NOTCH2: variants seen among roughly 807,000 people sequenced by gnomAD.
NOTCH2 encodes notch receptor 2, also known as neurogenic locus notch homolog protein 2.
Under a neutral mutation model 235.8 loss-of-function variants are expected in NOTCH2, and 29 were observed. That is an observed-to-expected ratio of 0.12 (90% CI 0.09 to 0.17). NOTCH2 has a LOEUF of 0.17. NOTCH2 is among the 10% of genes least tolerant of loss of function. The pLI is 1.00. For synonymous variants in NOTCH2, 1,086 were observed against 1,141.5 expected, an observed-to-expected ratio of 0.95 and a Z score of 0.98; for missense variants, 2,285 against 3,150.2, an observed-to-expected ratio of 0.73 and a Z score of 6.57.
chr1:120,007,180 C>T (rs587681884), intron 2 of NOTCH2, among the ~76,000 whole-genome samples: 716 of 151,118 alleles, frequency 4.7e-3, no homozygotes, highest in African/African-American at 0.016. Context: ...AGCACTGAAA[C>T]CAAAGATGGC....
At chr1:119,952,354 G>A (rs2101120477) in intron 14 of NOTCH2, among the ~76,000 whole-genome samples, 1 of 152,064 alleles carries the variant, frequency 6.6e-6, no homozygotes, top group East Asian at 1.9e-4. Flanking sequence ...CATTTATTGT[G>A]CACTTTACTT....
At chr1:120,014,073 T>C (rs1553207462) in intron 2 of NOTCH2, among the ~76,000 whole-genome samples, 1 of 150,700 alleles carries the variant, frequency 6.6e-6, no homozygotes, top group East Asian at 1.9e-4. Flanking sequence ...TTATTAATTA[T>C]TTTCATAACT....
In NOTCH2 at chr1:119,997,004, G is replaced by A. The variant is rs1553204281; in HGVS notation, c.744C>T (p.Cys248=). 9 of 1,613,692 alleles carry A rather than the reference G, an allele frequency of 5.6e-6. No homozygotes were observed. The highest frequency in any genetic ancestry group is 7.6e-6 in the Non-Finnish European group (9 of 1,179,778). The change falls in exon 4 of 34, where the codon TGC becomes TGT. Residue 248 remains cysteine, a synonymous_variant. Coordinates refer to ENST00000256646, the MANE Select transcript of NOTCH2 (RefSeq NM_024408.4). ...QTGDFTFECN[C]LPGFEGSTCE... ...CACTAGGGAGCTCCTTACCTGGAAG[G>A]CAGTTGCACTCAAAAGTGAAGTCAC...
chr1:119,977,596 G>A (rs1386033488), intron 5 of NOTCH2, among the ~76,000 whole-genome samples: 1 of 152,094 alleles, frequency 6.6e-6, no homozygotes, highest in African/African-American at 2.4e-5. Flanking sequence ...ATTCCCCAAC[G>A]TCACTACTAA....
At chr1:120,005,290 T>G (rs1460876040) in intron 3 of NOTCH2, 39 bp downstream of exon 3, 8 of 1,614,022 alleles carry the variant, frequency 5.0e-6, no homozygotes, top group Non-Finnish European at 6.8e-6. Context: ...AGGTATCTGC[T>G]GAAGGTAGGA....
intron 1 of NOTCH2, among the ~76,000 whole-genome samples, chr1:120,066,477 C>T (rs1269240899): frequency 6.8e-6 from 1 of 147,722 alleles, no homozygotes; most frequent in Non-Finnish European, 1.5e-5. Flanking sequence ...GGAGGAGGAT[C>T]ACTAGGAATG....
intron 2 of NOTCH2, among the ~76,000 whole-genome samples, chr1:120,014,264 C>A (rs1243386898): frequency 4.0e-5 from 6 of 151,798 alleles, no homozygotes; most frequent in African/African-American, 9.7e-5. Context: ...GTATTTATGA[C>A]TTTTTCTTTA....
At chr1:119,980,840 A>G (rs1651785439) in intron 5 of NOTCH2, among the ~76,000 whole-genome samples, 1 of 152,194 alleles carries the variant, frequency 6.6e-6, no homozygotes, top group Admixed American at 6.5e-5. Flanking sequence ...AGTTGAGTTC[A>G]GGGCAAGCTT....
chr1:119,964,138 A>G (rs587608613), intron 10 of NOTCH2, among the ~76,000 whole-genome samples: 1 of 152,272 alleles, frequency 6.6e-6, no homozygotes, highest in South Asian at 2.1e-4. Context: ...TTATATATTT[A>G]TCTTTGTATT....
chr1:119,956,279 T>C (rs1277174460), intron 12 of NOTCH2, among the ~76,000 whole-genome samples: 1 of 152,240 alleles, frequency 6.6e-6, no homozygotes, highest in African/African-American at 2.4e-5. Flanking sequence ...AAATTACCTA[T>C]AATTCTATAA....
chr1:119,935,285 C>T, intron 22 of NOTCH2, 187 bp downstream of exon 22: 1 of 1,525,572 alleles, frequency 6.6e-7, no homozygotes, highest in South Asian at 1.3e-5. Flanking sequence ...ACAACATAAA[C>T]CACAACATCA....
At chr1:119,934,275 T>C (rs938728469) in intron 22 of NOTCH2, among the ~76,000 whole-genome samples, 4 of 152,218 alleles carry the variant, frequency 2.6e-5, no homozygotes, top group African/African-American at 9.6e-5. Flanking sequence ...GGCACCGTGC[T>C]TCCTGTACAG....
intron 11 of NOTCH2, among the ~76,000 whole-genome samples, chr1:119,961,169 C>G (rs782128899): frequency 6.6e-6 from 1 of 152,140 alleles, no homozygotes; most frequent in East Asian, 1.9e-4. Context: ...GGCTCTGAAC[C>G]CTGTTTGTGT....
chr1:119,926,758 A>G, intron 23 of NOTCH2, 147 bp from the exon 24 acceptor site: 1 of 699,324 alleles, frequency 1.4e-6, no homozygotes, highest in Non-Finnish European at 2.6e-6. Flanking sequence ...CTGAGCATAG[A>G]AAGAAAACAC....
intron 3 of NOTCH2, among the ~76,000 whole-genome samples, chr1:119,999,685 C>T (rs1553204920): frequency 6.6e-6 from 1 of 151,900 alleles, no homozygotes; most frequent in Non-Finnish European, 1.5e-5. Flanking sequence ...AGTTTGAGAC[C>T]AGCCTGGCCA....
At chr1:119,939,989 G>A (rs1212733387) in intron 19 of NOTCH2, among the ~76,000 whole-genome samples, 7 of 152,230 alleles carry the variant, frequency 4.6e-5, no homozygotes, top group African/African-American at 1.4e-4. Flanking sequence ...CTTTGGAAAA[G>A]TTACTTTGCC....
At chr1:120,040,860 A>G (rs1553212625) in intron 1 of NOTCH2, among the ~76,000 whole-genome samples, 2 of 149,978 alleles carry the variant, frequency 1.3e-5, no homozygotes, top group African/African-American at 2.5e-5. Context: ...ACACGGTGAA[A>G]CCACATCTCT....
At chr1:119,981,601 C>G (rs942146777) in intron 5 of NOTCH2, among the ~76,000 whole-genome samples, 1 of 152,102 alleles carries the variant, frequency 6.6e-6, no homozygotes, top group African/African-American at 2.4e-5. Context: ...AAAGATCCTG[C>G]CTGCAGTCTC....
Position 119,953,705 on chromosome 1 carries a change from CTT to C in NOTCH2, c.2220-19_2220-18del, listed in dbSNP as rs1223650517. On this transcript the variant is annotated intron_variant, in intron 13 of 33. Coordinates refer to ENST00000256646, the MANE Select transcript of NOTCH2 (RefSeq NM_024408.4). ...CACTTATATCTGAAAGAAGACAAAA[CTT>C]TTTACTATAGGAGGTATAAACGTAT... 5.0e-6 allele frequency: 8 copies of C among 1,612,892 alleles called. No individual in the cohort carries two copies. The highest frequency in any genetic ancestry group is 4.5e-5 in the East Asian group (2 of 44,868).
Sources: gnomAD v4.1 joint callset for allele counts (sites outside exome capture counted in the v4.1 genomes callset) on GRCh38, gnomAD v4.1.1 for gene constraint, MANE v1.5 for transcripts, NCBI Gene and HGNC (gene_info 2026-07-23, HGNC 2026-07-21) for gene names.